The following KDM2B variants were observed in gnomAD, a reference collection of about 807,000 sequenced individuals.
KDM2B encodes the protein lysine-specific demethylase 2B.
Under a neutral mutation model 150.0 loss-of-function variants are expected in KDM2B, and 26 were observed. The observed-to-expected ratio is 0.17, with a 90% confidence interval of 0.13 to 0.24. KDM2B has a LOEUF of 0.24. Among genes scored for constraint, KDM2B ranks in the 10% least tolerant of loss-of-function variants. The pLI, the probability that KDM2B is intolerant of heterozygous loss-of-function variation, is 1.00. For missense variants in KDM2B, 1,265 were observed against 1,816.9 expected (o/e 0.70, Z 5.52); for synonymous variants, 734 against 729.5 (o/e 1.01, Z -0.10).
rs559338082 is a variant in KDM2B, at chr12:121,430,525, C to G, written c.3830-56G>C. 1.5e-6 allele frequency: 2 copies of G among 1,327,704 alleles called. No individual in the cohort carries two copies. Among genetic ancestry groups the G allele is most frequent in the South Asian group, 1.2e-5 (1 of 84,054 alleles). The allele number at this position is 1,327,704 out of a possible 1,614,324, so 82.2% of individuals were successfully genotyped here. On this transcript the variant is annotated intron_variant, in intron 22 of 22. Coordinates refer to ENST00000377071, the MANE Select transcript of KDM2B (RefSeq NM_032590.5). The surrounding 1 kb of genome is among the most constrained non-coding windows in gnomAD (Gnocchi z 4.4). ...GAAGGCCAGGAGCCAGAAGCCCCCC[C>G]GCCGCCAGACCCAGGCACTCAGCAG...
At position 121,537,147 on chromosome 12, in the gene KDM2B, A is replaced by C; in HGVS notation, c.684-2557T>G. 1.4e-5 allele frequency among the ~76,000 whole-genome samples: 2 copies of C among 147,816 alleles called. No homozygotes were observed. Among genetic ancestry groups the C allele is most frequent in the African/African-American group, 2.5e-5 (1 of 39,760 alleles). On this transcript the variant is annotated intron_variant, in intron 6 of 22. Coordinates refer to ENST00000377071, the MANE Select transcript of KDM2B (RefSeq NM_032590.5). This position sits in a 1 kb window ranked among gnomAD's most constrained non-coding sequence, Gnocchi z 8.7. ...GCCGCCAAGCCTGGCCGCCCCTCCCACCCCGCGATCGCAGGCATTAGGGGA... is the reference window on the plus strand; with the variant it reads ...GCCGCCAAGCCTGGCCGCCCCTCCCCCCCCGCGATCGCAGGCATTAGGGGA...
Position 121,444,542 on chromosome 12 carries a change from G to T in KDM2B, c.2104-6C>A. The T allele has an allele frequency of 1.2e-6, 2 of 1,613,452 alleles. No individual in the cohort carries two copies. The highest frequency in any genetic ancestry group is 1.7e-6 in the Non-Finnish European group (2 of 1,179,456). ...ACACCCTCTGACTCCTTAATCTGCG[G>T]GGAACACCAGGACTCAGAAGAGGGA... On this transcript the variant is annotated splice_region_variant and splice_polypyrimidine_tract_variant and intron_variant, in intron 14 of 22. Coordinates refer to ENST00000377071, the MANE Select transcript of KDM2B (RefSeq NM_032590.5).
intron 13 of KDM2B, among the ~76,000 whole-genome samples, chr12:121,451,113 C>G (rs544219359): frequency 3.9e-5 from 6 of 151,984 alleles, no homozygotes; most frequent in East Asian, 1.9e-4. Flanking sequence ...TCCTGCCCCC[C>G]CCTTCTACCT....
At chr12:121,420,203 T>C in the KDM2B span, 7 of 1,595,224 alleles carry the variant, frequency 4.4e-6, no homozygotes, top group South Asian at 5.5e-5. Context: ...TAAATACAGA[T>C]TGATTCCTGA....
At chr12:121,580,297 T>C in intron 1 of KDM2B, 2 of 1,106,004 alleles carry the variant, frequency 1.8e-6, no homozygotes, top group Non-Finnish European at 1.1e-6. Context: ...AACGTAAACA[T>C]TGTTGCCGAT....
the KDM2B span, among the ~76,000 whole-genome samples, chr12:121,422,023 C>T: frequency 4.6e-5 from 7 of 152,174 alleles, no homozygotes; most frequent in Admixed American, 2.0e-4. Context: ...TTTCAGAGGT[C>T]GTAGGCTGCT....
intron 12 of KDM2B, among the ~76,000 whole-genome samples, chr12:121,460,928 T>C (rs1555293667): frequency 6.6e-6 from 1 of 152,096 alleles, no homozygotes; most frequent in Non-Finnish European, 1.5e-5. Context: ...ATTACTATTA[T>C]CTCCATCTAC....
chr12:121,581,003 G>T lies in KDM2B; in HGVS notation c.-92C>A. The T allele has an allele frequency of 6.6e-7, 1 of 1,512,654 alleles. No individual in the cohort carries two copies. The highest frequency in any genetic ancestry group is 8.9e-7 in the Non-Finnish European group (1 of 1,124,120). 93.7% of individuals were successfully genotyped at this position (1,512,654 alleles called of 1,614,324 possible). A position where few individuals can be genotyped will look rare whatever the true frequency, so the allele number is the denominator to read the frequency against. On this transcript the variant is annotated 5_prime_UTR_variant, in exon 1 of 23. Transcript: ENST00000377071. ...AACTTTTAAACTCCCGGCACTCAAA[G>T]ATGTGGACACACACACGTACAGGAA...
intron 8 of KDM2B, among the ~76,000 whole-genome samples, chr12:121,527,595 A>G (rs1002416471): frequency 1.1e-4 from 16 of 142,972 alleles, no homozygotes; most frequent in Non-Finnish European, 2.3e-4. Flanking sequence ...CAGAGCTTGC[A>G]GTGAGCTGAG....
chr12:121,421,431 T>G, the KDM2B span, among the ~76,000 whole-genome samples: 2 of 137,252 alleles, frequency 1.5e-5, no homozygotes, highest in Non-Finnish European at 1.6e-5. Context: ...CACCAGCCTG[T>G]GGTCCCAGCT....
downstream of KDM2B, among the ~76,000 whole-genome samples, chr12:121,427,413 G>T (rs1019937575): frequency 2.0e-5 from 3 of 152,156 alleles, no homozygotes; most frequent in Non-Finnish European, 4.4e-5. Context: ...ATGGTGGCAG[G>T]CACCTGTAGT....
intron 19 of KDM2B, among the ~76,000 whole-genome samples, 183 bp downstream of exon 19, chr12:121,441,974 C>A (rs999520607): frequency 6.6e-6 from 1 of 152,226 alleles, no homozygotes; most frequent in Non-Finnish European, 1.5e-5. Flanking sequence ...TCGGAATAAA[C>A]GGGGTCACCT....
chr12:121,536,448 C>CG (rs1555308726), intron 6 of KDM2B, among the ~76,000 whole-genome samples: 1 of 152,176 alleles, frequency 6.6e-6, no homozygotes, highest in African/African-American at 2.4e-5. Flanking sequence ...GTCAAAGTCC[C>CG]GACTCTGGGC....
At chr12:121,580,583 G>C (rs1891899532) in intron 1 of KDM2B, 1 of 606,882 alleles carries the variant, frequency 1.6e-6, no homozygotes, top group Admixed American at 3.6e-5. Flanking sequence ...AGGGAGGGAG[G>C]GAAGGAGGAG....
intron 12 of KDM2B, among the ~76,000 whole-genome samples, chr12:121,464,244 C>CA (rs2139325479): frequency 6.6e-6 from 1 of 152,278 alleles, no homozygotes; most frequent in Admixed American, 6.5e-5. Context: ...AAACAAAAAA[C>CA]AAGATGGAAC....
rs1415743208 is a variant in KDM2B, at chr12:121,518,911, C to T, written c.1047+2074G>A. Among the ~76,000 whole-genome samples, 1 of 152,200 alleles carries T rather than the reference C, an allele frequency of 6.6e-6. No individual in the cohort carries two copies. The highest frequency in any genetic ancestry group is 1.5e-5 in the Non-Finnish European group (1 of 68,036). On this transcript the variant is annotated intron_variant, in intron 9 of 22. Transcript: ENST00000377071. The surrounding 1 kb of genome is among the most constrained non-coding windows in gnomAD (Gnocchi z 4.4). ...AGCATTGACCCAGACTGTGAGGTGA[C>T]CGCTTGTATCCAAACAGTGCCTTTC...
At chr12:121,439,463 C>T (rs1248458827) in intron 22 of KDM2B, among the ~76,000 whole-genome samples, 1 of 128,702 alleles carries the variant, frequency 7.8e-6, no homozygotes, top group East Asian at 2.5e-4. Context: ...TCACGGCGAC[C>T]TCCACTGCCA....
chr12:121,559,230 C>T (rs373839623), intron 4 of KDM2B, among the ~76,000 whole-genome samples: 72 of 152,104 alleles, frequency 4.7e-4, no homozygotes, highest in African/African-American at 1.3e-3. Context: ...GCCAAGTGAC[C>T]GTCTTAGGAG....
chr12:121,439,251 G>C (rs890534413), intron 22 of KDM2B, among the ~76,000 whole-genome samples: 2 of 152,092 alleles, frequency 1.3e-5, no homozygotes, highest in Non-Finnish European at 2.9e-5. Flanking sequence ...GTCAGGCACC[G>C]GCTCTTCTGC....
Sources: gnomAD v4.1 joint callset for allele counts (sites outside exome capture counted in the v4.1 genomes callset) on GRCh38, gnomAD v4.1.1 for gene constraint, Gnocchi (gnomAD v3.1) non-coding constraint, MANE v1.5 for transcripts, NCBI Gene and HGNC (gene_info 2026-07-23, HGNC 2026-07-21) for gene names.